COG5: variants seen among roughly 807,000 people sequenced by gnomAD.
COG5 encodes the protein conserved oligomeric Golgi complex subunit 5.
A neutral mutation model predicts 110.4 loss-of-function variants in COG5; 86 were observed. That is an observed-to-expected ratio of 0.78 (90% CI 0.65 to 0.93). COG5 has a LOEUF of 0.93. Ranked by LOEUF, COG5 falls within the 40% of genes least tolerant of loss-of-function variation. The pLI, the probability that COG5 is intolerant of heterozygous loss-of-function variation, is 0.00. For synonymous variants in COG5, 360 were observed against 334.6 expected (o/e 1.08, Z -0.83); for missense variants, 1,077 against 987.0 (o/e 1.09, Z -1.22).
intron 7 of COG5, among the ~76,000 whole-genome samples, chr7:107,386,569 T>C (rs917803697): frequency 9.2e-5 from 14 of 152,136 alleles, no homozygotes; most frequent in Non-Finnish European, 1.5e-5. Context: ...TGGGGGGGAT[T>C]GTTCAGGCTG....
intron 7 of COG5, among the ~76,000 whole-genome samples, chr7:107,377,674 T>C (rs907686687): frequency 5.3e-5 from 8 of 152,212 alleles, no homozygotes; most frequent in African/African-American, 1.9e-4. Context: ...TAAGGCTTAG[T>C]TTCCTCATGT....
chr7:107,276,056 C>A (rs2116757235), intron 14 of COG5, among the ~76,000 whole-genome samples: 1 of 152,132 alleles, frequency 6.6e-6, no homozygotes, highest in Non-Finnish European at 1.5e-5. Context: ...AAGTTGAGAC[C>A]TCCCCTTAAA....
chr7:107,330,819 A>G (rs1168377323), intron 10 of COG5, among the ~76,000 whole-genome samples: 1 of 141,766 alleles, frequency 7.1e-6, no homozygotes, highest in Non-Finnish European at 1.5e-5. Flanking sequence ...CTTGAGCTAG[A>G]TCCCTTTTTT....
rs1799132351 is a variant in COG5 at position 107,211,127 on chromosome 7, G to A, written c.2267C>T (p.Ala756Val). 1.2e-6 allele frequency: 2 copies of A among 1,613,930 alleles called. No individual in the cohort carries two copies. The highest frequency in any genetic ancestry group is 1.3e-5 in the African/African-American group (1 of 74,900). Residue 756 changes from alanine to valine, a missense_variant, in exon 20 of 22, where the codon GCA becomes GTA. Physicochemically the swap from Ala to Val is moderately conservative, Grantham distance 64. Transcript: ENST00000297135. The part of the protein sequence containing the change: ...SIIIQFLFTR[A>V]PAELKSPFQR... ...GAAAGGAGATTTCAGTTCAGCGGGTGCTCTCGTGAACAAAAACTGAATAAT... is the reference window on the plus strand; with the variant it reads ...GAAAGGAGATTTCAGTTCAGCGGGTACTCTCGTGAACAAAAACTGAATAAT...
At chr7:107,249,549 T>C (rs2116559393) in intron 16 of COG5, among the ~76,000 whole-genome samples, 1 of 152,112 alleles carries the variant, frequency 6.6e-6, no homozygotes, top group African/African-American at 2.4e-5. Flanking sequence ...ACTTCAAAGA[T>C]AATATAATGA....
intron 6 of COG5, among the ~76,000 whole-genome samples, chr7:107,508,575 C>G (rs1799223928): frequency 6.6e-6 from 1 of 152,240 alleles, no homozygotes; most frequent in Non-Finnish European, 1.5e-5. Context: ...AATGGGCAGA[C>G]TGCCTCCTCA....
At chr7:107,505,468 C>T (rs1798926407) in intron 6 of COG5, among the ~76,000 whole-genome samples, 1 of 152,198 alleles carries the variant, frequency 6.6e-6, no homozygotes, top group South Asian at 2.1e-4. Flanking sequence ...TTGGAAAGTG[C>T]TCCTCCTGTG....
intron 7 of COG5, among the ~76,000 whole-genome samples, chr7:107,389,558 G>C (rs1014924273): frequency 1.3e-5 from 2 of 152,190 alleles, no homozygotes; most frequent in African/African-American, 4.8e-5. Flanking sequence ...AAAGGACAAA[G>C]CTGGGAAAGT....
At chr7:107,269,921 A>C (rs934745272) in intron 14 of COG5, among the ~76,000 whole-genome samples, 8 of 152,230 alleles carry the variant, frequency 5.3e-5, no homozygotes, top group African/African-American at 1.9e-4. Flanking sequence ...GGAATTCTGG[A>C]AAAGCAAGAG....
intron 6 of COG5, among the ~76,000 whole-genome samples, chr7:107,424,590 G>C (rs1793519916): frequency 6.8e-6 from 1 of 147,920 alleles, no homozygotes; most frequent in South Asian, 2.1e-4. Flanking sequence ...CCTGAAAAAA[G>C]CATTTTCCCT....
Position 107,258,263 on chromosome 7 carries a change from A to C in COG5, c.1686+10T>G. On this transcript the variant is annotated intron_variant, in intron 15 of 21. Transcript: ENST00000297135. ...AAATTAAGTAAAAAAAAACTTAATAAAATAGTTACCTTTGTTACTGATTGG... is the reference window on the plus strand; with the variant it reads ...AAATTAAGTAAAAAAAAACTTAATACAATAGTTACCTTTGTTACTGATTGG... 1.3e-6 allele frequency: 2 copies of C among 1,530,552 alleles called. No individual in the cohort carries two copies. Among genetic ancestry groups the C allele is most frequent in the Non-Finnish European group, 1.8e-6 (2 of 1,105,078 alleles). 94.8% of individuals were successfully genotyped at this position (1,530,552 alleles called of 1,614,324 possible).
chr7:107,435,650 GA>G (rs989944298), intron 6 of COG5, among the ~76,000 whole-genome samples: 4 of 149,550 alleles, frequency 2.7e-5, no homozygotes, highest in African/African-American at 4.9e-5. Context: ...CTTTGTCCCA[GA>G]AAAAAAAAGA....
chr7:107,436,477 A>G (rs1794374137), intron 6 of COG5, among the ~76,000 whole-genome samples: 1 of 152,182 alleles, frequency 6.6e-6, no homozygotes, highest in East Asian at 1.9e-4. Flanking sequence ...GTATTTAATG[A>G]CTACAGAGTT....
At chr7:107,469,854 T>C (rs2129107245) in intron 6 of COG5, among the ~76,000 whole-genome samples, 1 of 152,212 alleles carries the variant, frequency 6.6e-6, no homozygotes, top group Non-Finnish European at 1.5e-5. Context: ...AAAATACTAA[T>C]TTACACATAT....
intron 3 of COG5, among the ~76,000 whole-genome samples, chr7:107,553,887 T>C (rs1465875744): frequency 2.5e-4 from 38 of 152,244 alleles, no homozygotes; most frequent in Admixed American, 2.5e-3. Flanking sequence ...TGTGCAGGCA[T>C]TGTTCTAAGT....
At chr7:107,322,397 T>C (rs1809382990) in intron 11 of COG5, among the ~76,000 whole-genome samples, 2 of 152,196 alleles carry the variant, frequency 1.3e-5, no homozygotes, top group Admixed American at 1.3e-4. Flanking sequence ...GACTTGCCAT[T>C]TCTCCAGAAC....
intron 1 of COG5, among the ~76,000 whole-genome samples, chr7:107,561,020 A>AT (rs1196326433): frequency 2.0e-5 from 3 of 152,126 alleles, no homozygotes; most frequent in Non-Finnish European, 2.9e-5. Flanking sequence ...AAAGAGACTA[A>AT]AGAGTGCTCA....
In COG5 at chr7:107,474,485, A is replaced by C; in HGVS notation, c.538+52752T>G. The C allele has an allele frequency of 6.2e-7, 1 of 1,613,096 alleles. No homozygotes were observed. The highest frequency in any genetic ancestry group is 8.5e-7 in the Non-Finnish European group (1 of 1,179,338). On this transcript the variant is annotated intron_variant, in intron 6 of 21. Transcript: ENST00000297135. The surrounding 1 kb of genome is among the most constrained non-coding windows in gnomAD (Gnocchi z 5.7). Reference sequence around the variant, plus strand: ...TTTGCTATCACTTTGGACAGATATGACATCTCTGTAAAACCTGCAAACCGA... The same window carrying C: ...TTTGCTATCACTTTGGACAGATATGCCATCTCTGTAAAACCTGCAAACCGA...
intron 11 of COG5, among the ~76,000 whole-genome samples, chr7:107,314,213 A>G (rs1808528506): frequency 6.6e-6 from 1 of 152,176 alleles, no homozygotes; most frequent in South Asian, 2.1e-4. Flanking sequence ...TCCATTAGAA[A>G]TTAGTGGAAA....
Sources: allele counts gnomAD v4.1 joint callset (sites outside exome capture counted in the v4.1 genomes callset), GRCh38; gene constraint gnomAD v4.1.1; non-coding constraint Gnocchi (gnomAD v3.1); transcripts MANE v1.5; gene names NCBI Gene and HGNC (gene_info 2026-07-23, HGNC 2026-07-21).